Variants in ZBTB5 observed in about 807,000 individuals in gnomAD.
The protein encoded by ZBTB5 is zinc finger and BTB domain-containing protein 5.
ZBTB5 carries 15 observed loss-of-function variants against 37.9 expected under a neutral mutation model. The observed-to-expected ratio is 0.40, with a 90% CI of 0.26 to 0.61. ZBTB5 has a LOEUF of 0.61. ZBTB5 is among the 20% of genes least tolerant of loss of function. The pLI is 0.47. For missense variants in ZBTB5, 708 were observed against 856.8 expected, an observed-to-expected ratio of 0.83 and a Z score of 2.17; for synonymous variants, 315 against 312.4, an observed-to-expected ratio of 1.01 and a Z score of -0.09.
chr9:37,460,614 T>C (rs116776554), intron 1 of ZBTB5, among the ~76,000 whole-genome samples: 3,343 of 152,168 alleles, frequency 0.022, 119 homozygotes, highest in African/African-American at 0.074. Context: ...GCCTATAATC[T>C]CAACATGTTG....
At chr9:37,456,508 G>A (rs1824190320) in intron 1 of ZBTB5, among the ~76,000 whole-genome samples, 1 of 152,206 alleles carries the variant, frequency 6.6e-6, no homozygotes, top group Admixed American at 6.5e-5. Flanking sequence ...TTCCACTAGT[G>A]ACTAAAGATG....
intron 1 of ZBTB5, among the ~76,000 whole-genome samples, chr9:37,459,712 ATTTT>A (rs35037575): frequency 8.3e-6 from 1 of 119,896 alleles, no homozygotes; most frequent in Admixed American, 8.6e-5. Flanking sequence ...TGCCCAGCTA[ATTTT>A]TTTTTTTTTT....
At chr9:37,444,115 G>A (rs77188911) in intron 1 of ZBTB5, among the ~76,000 whole-genome samples, 2,785 of 152,268 alleles carry the variant, frequency 0.018, 83 homozygotes, top group African/African-American at 0.061. Context: ...GAATGAATAA[G>A]AGAAGGAATT....
At chr9:37,461,162 A>AT (rs1295742345) in intron 1 of ZBTB5, among the ~76,000 whole-genome samples, 2 of 152,202 alleles carry the variant, frequency 1.3e-5, no homozygotes, top group African/African-American at 2.4e-5. Flanking sequence ...ATGTGTTTAG[A>AT]TTTTTGTAGC....
chr9:37,443,165 C>T (rs982219059), intron 1 of ZBTB5, among the ~76,000 whole-genome samples: 2 of 152,006 alleles, frequency 1.3e-5, no homozygotes, highest in Non-Finnish European at 1.5e-5. Context: ...GCCTGACCAA[C>T]ATGATGAAAC....
chr9:37,450,613 TCA>T (rs888339743), intron 1 of ZBTB5, among the ~76,000 whole-genome samples: 2 of 152,160 alleles, frequency 1.3e-5, no homozygotes, highest in African/African-American at 4.8e-5. Flanking sequence ...GCACGGTGGC[TCA>T]CACTTATAAT....
At position 37,462,127 on chromosome 9, in the gene ZBTB5, T is replaced by C. The variant is rs181133231; in HGVS notation, c.-5+3088A>G. On this transcript the variant is annotated intron_variant, in intron 1 of 1. Transcript: ENST00000307750. ...GACTACAGGTGTGTGCCACCTGAGCTAAAATTCTATTAATTTTACCAAATT... is the reference window on the plus strand; with the variant it reads ...GACTACAGGTGTGTGCCACCTGAGCCAAAATTCTATTAATTTTACCAAATT... 1.6e-3 allele frequency among the ~76,000 whole-genome samples: 243 copies of C among 152,300 alleles called. 5 individuals carry two copies. Among genetic ancestry groups the C allele is most frequent in the Admixed American group, 0.015 (230 of 15,296 alleles).
intron 1 of ZBTB5, among the ~76,000 whole-genome samples, chr9:37,448,345 A>G (rs1164370062): frequency 2.0e-5 from 3 of 152,360 alleles, no homozygotes; most frequent in East Asian, 1.9e-4. Flanking sequence ...TGTCTGCATC[A>G]TAACTATGAT....
chr9:37,442,939 T>C (rs990054583), intron 1 of ZBTB5, among the ~76,000 whole-genome samples: 1 of 152,236 alleles, frequency 6.6e-6, no homozygotes, highest in Non-Finnish European at 1.5e-5. Context: ...TCCAAAGTCT[T>C]AGGAACCCTA....
rs770336440 is a variant in ZBTB5, at chr9:37,440,161, T to C, written c.*357A>G. 1.7e-4 allele frequency: 47 copies of C among 281,272 alleles called. No individual in the cohort carries two copies. The highest frequency in any genetic ancestry group is 2.7e-4 in the Non-Finnish European group (39 of 146,142). The allele number at this position is 281,272 out of a possible 1,614,324, so 17.4% of individuals were successfully genotyped here. A position where few individuals can be genotyped will look rare whatever the true frequency, so the allele number is the denominator to read the frequency against. On this transcript the variant is annotated 3_prime_UTR_variant, in exon 2 of 2. Transcript: ENST00000307750. The stretch of plus-strand genomic sequence containing the variant: ...GATATAATACTCCCATCAGAAGGTA[T>C]AGGAAATTTAAATGCTACACAGTTT...
chr9:37,445,733 A>G (rs1823964556), intron 1 of ZBTB5, among the ~76,000 whole-genome samples: 1 of 152,024 alleles, frequency 6.6e-6, no homozygotes, highest in Non-Finnish European at 1.5e-5. Flanking sequence ...AGGAGTGGGT[A>G]ATTGATGGGG....
At chr9:37,452,152 G>C (rs1186213472) in intron 1 of ZBTB5, among the ~76,000 whole-genome samples, 1 of 152,194 alleles carries the variant, frequency 6.6e-6, no homozygotes, top group East Asian at 1.9e-4. Context: ...GAATGAACAA[G>C]AACAGTTTAG....
chr9:37,450,038 G>A (rs567096941), intron 1 of ZBTB5, among the ~76,000 whole-genome samples: 4 of 152,166 alleles, frequency 2.6e-5, no homozygotes, highest in East Asian at 1.9e-4. Context: ...CTATATAAAC[G>A]TCACACGTGA....
Position 37,441,007 on chromosome 9 carries a change from G to A in ZBTB5, c.1545C>T (p.Ser515=). The A allele has an allele frequency of 1.9e-6, 3 of 1,614,212 alleles. No individual in the cohort carries two copies. The highest frequency in any genetic ancestry group is 2.5e-6 in the Non-Finnish European group (3 of 1,180,042). The change falls in exon 2 of 2, where the codon TCC becomes TCT. Residue 515 remains serine (S), a synonymous_variant. Coordinates refer to ENST00000307750, the MANE Select transcript of ZBTB5 (RefSeq NM_014872.3). ...DFSRSGLGLH[S]SFSRVMIGSP... is the part of the protein sequence containing the mutation. ...AACCTATCATTACCCTGGAGAAGGAGGAGTGGAGGCCCAAACCAGACCTGG... is the reference window on the plus strand; with the variant it reads ...AACCTATCATTACCCTGGAGAAGGAAGAGTGGAGGCCCAAACCAGACCTGG...
intron 1 of ZBTB5, among the ~76,000 whole-genome samples, chr9:37,459,274 C>T (rs556224626): frequency 5.3e-5 from 8 of 152,196 alleles, no homozygotes; most frequent in African/African-American, 1.7e-4. Context: ...GCCTGACCAA[C>T]ATGGAGAAAA....
intron 1 of ZBTB5, among the ~76,000 whole-genome samples, chr9:37,459,970 A>G (rs1824260718): frequency 1.3e-5 from 2 of 148,354 alleles, no homozygotes; most frequent in South Asian, 4.4e-4. Context: ...TCGGCCTCCC[A>G]AAGTGCTGGG....
chr9:37,442,179 G>A lies in ZBTB5; in HGVS notation c.373C>T (p.Pro125Ser), dbSNP rs2118933547. 6.2e-7 allele frequency: 1 copy of A among 1,614,228 alleles called. No homozygotes were observed. The highest frequency in any genetic ancestry group is 2.2e-5 in the East Asian group (1 of 44,884). The change falls in exon 2 of 2, where the codon CCC becomes TCC. Residue 125 changes from proline (P) to serine (S), a missense_variant. Transcript: ENST00000307750. ...ACGCGCTCACTGGGGGGAGACATGG[G>A]CAGCGTCCTTGTCGTTAAGTAATGT... ...CKHYLTTRTL[P>S]MSPPSERVQE...
intron 1 of ZBTB5, among the ~76,000 whole-genome samples, chr9:37,455,483 C>T (rs1375546006): frequency 6.6e-6 from 1 of 152,234 alleles, no homozygotes; most frequent in African/African-American, 2.4e-5. Flanking sequence ...TAACACTTAA[C>T]CCATCTGCAT....
intron 1 of ZBTB5, among the ~76,000 whole-genome samples, chr9:37,460,078 T>C (rs1824262771): frequency 6.6e-6 from 1 of 151,628 alleles, no homozygotes; most frequent in African/African-American, 2.4e-5. Flanking sequence ...GCTACTGACC[T>C]TGTGATCTGC....
Sources: allele counts gnomAD v4.1 joint callset (sites outside exome capture counted in the v4.1 genomes callset), GRCh38; gene constraint gnomAD v4.1.1; transcripts MANE v1.5; gene names NCBI Gene and HGNC (gene_info 2026-07-23, HGNC 2026-07-21).